LRIG2: variants seen among roughly 807,000 people sequenced by gnomAD.
LRIG2 encodes leucine-rich repeats and immunoglobulin-like domains protein 2.
In LRIG2, 93 loss-of-function variants were observed where a neutral mutation model predicts 107.8. The observed-to-expected ratio is 0.86, with a 90% CI of 0.73 to 1.03. The LOEUF is 1.03. Ranked by LOEUF, LRIG2 falls within the 50% of genes least tolerant of loss-of-function variation. LRIG2 has a pLI of 0.00. For missense variants in LRIG2, 1,226 were observed against 1,296.0 expected, an observed-to-expected ratio of 0.95 and a Z score of 0.83; for synonymous variants, 471 against 470.6, an observed-to-expected ratio of 1.00 and a Z score of -0.01.
At chr1:113,080,415 T>C (rs2101016795) in intron 1 of LRIG2, among the ~76,000 whole-genome samples, 1 of 150,066 alleles carries the variant, frequency 6.7e-6, no homozygotes, top group South Asian at 2.1e-4. Context: ...AGTCTCGCTC[T>C]GTTGCCCAGG....
In LRIG2 at chr1:113,073,575, A is replaced by G. The variant is rs1436925237; in HGVS notation, c.169A>G (p.Ser57Gly). ...CSCRIPLLDC[S>G]RRKLPAPSWR... ...CTGCCGCATTCCTCTCCTGGACTGC[A>G]GTCGCAGGAAATTGCCCGCACCGAG... is the stretch of plus-strand genomic sequence containing the variant. Residue 57 changes from serine to glycine, a missense_variant, in exon 1 of 18, where the codon AGT (serine) becomes GGT (glycine). Ser to Gly is a moderately conservative substitution (Grantham distance 56). Around this residue, in one of 3 missense-constraint regions of LRIG2, gnomAD observed 570 missense variants for 550.2 expected, o/e 1.04. Transcript: ENST00000361127. 3.1e-6 allele frequency: 5 copies of G among 1,613,820 alleles called. No individual in the cohort carries two copies. The Admixed American group carries it at 5.0e-5, about 16-fold the overall frequency.
chr1:113,078,202 G>A (rs1653076066), intron 1 of LRIG2, among the ~76,000 whole-genome samples: 3 of 151,576 alleles, frequency 2.0e-5, no homozygotes, highest in African/African-American at 7.3e-5. Flanking sequence ...ACATATGTGT[G>A]CATGTGTCTT....
intron 16 of LRIG2, among the ~76,000 whole-genome samples, chr1:113,118,473 C>T (rs756071471): frequency 2.0e-5 from 3 of 152,192 alleles, no homozygotes; most frequent in African/African-American, 4.8e-5. Context: ...GTCATCATAA[C>T]TCCTTATTCT....
At chr1:113,122,477 A>G (rs1655305258) in intron 17 of LRIG2, among the ~76,000 whole-genome samples, 1 of 152,166 alleles carries the variant, frequency 6.6e-6, no homozygotes, top group Non-Finnish European at 1.5e-5. Flanking sequence ...TTTTACATTA[A>G]GTGTTCATGA....
At chr1:113,081,355 TG>T (rs1356174175) in intron 1 of LRIG2, among the ~76,000 whole-genome samples, 1 of 152,070 alleles carries the variant, frequency 6.6e-6, no homozygotes, top group Non-Finnish European at 1.5e-5. Flanking sequence ...CAGCTGTAGA[TG>T]GAGGTGTTTT....
intron 1 of LRIG2, among the ~76,000 whole-genome samples, chr1:113,079,043 A>G (rs1653127372): frequency 6.6e-6 from 1 of 152,174 alleles, no homozygotes; most frequent in Non-Finnish European, 1.5e-5. Context: ...ACAAGTTGGT[A>G]AATTGAAAAT....
chr1:113,091,751 G>A (rs1270285553), intron 2 of LRIG2, among the ~76,000 whole-genome samples: 1 of 152,164 alleles, frequency 6.6e-6, no homozygotes, highest in East Asian at 1.9e-4. Context: ...GGAGCATCAT[G>A]TCTAAAGTAG....
intron 11 of LRIG2, among the ~76,000 whole-genome samples, chr1:113,104,021 C>G (rs4521992): frequency 6.6e-6 from 1 of 152,162 alleles, no homozygotes; most frequent in Non-Finnish European, 1.5e-5. Flanking sequence ...GCATCTGAAT[C>G]CCCTCTGTTT....
At chr1:113,076,024 AAG>A (rs749404156) in intron 1 of LRIG2, among the ~76,000 whole-genome samples, 17 of 143,682 alleles carry the variant, frequency 1.2e-4, no homozygotes, top group Non-Finnish European at 2.3e-4. Flanking sequence ...TTTTTTATTT[AAG>A]AGAGAGTCTT....
chr1:113,082,116 C>T (rs543364616), intron 1 of LRIG2, among the ~76,000 whole-genome samples: 2 of 152,308 alleles, frequency 1.3e-5, no homozygotes, highest in Non-Finnish European at 2.9e-5. Flanking sequence ...AACTGTTTCA[C>T]TTGCAACAGT....
chr1:113,116,341 T>A lies in LRIG2; in HGVS notation c.2585T>A (p.Leu862Gln). The change falls in exon 16 of 18, where the codon CTG becomes CAG. Residue 862 changes from leucine to glutamine, a missense_variant. Leu to Gln is a moderately radical substitution (Grantham distance 113, BLOSUM62 -2). This residue lies in a region of LRIG2 where 642 missense variants were observed against 712.2 expected (regional missense o/e 0.90). Transcript: ENST00000361127. ...IPSYLSSQGT[L>Q]SEPQEGYSNS... Reference sequence around the variant, plus strand: ...AGCTACTTGTCTTCCCAAGGAACGCTGTCTGAGCCACAGGAAGGCTACAGC... The same window carrying A: ...AGCTACTTGTCTTCCCAAGGAACGCAGTCTGAGCCACAGGAAGGCTACAGC... 6.2e-7 allele frequency: 1 copy of A among 1,614,068 alleles called. No homozygotes were observed. The highest frequency in any genetic ancestry group is 8.5e-7 in the Non-Finnish European group (1 of 1,179,956).
chr1:113,085,897 T>C (rs1365962711), intron 1 of LRIG2, among the ~76,000 whole-genome samples: 1 of 152,166 alleles, frequency 6.6e-6, no homozygotes, highest in Non-Finnish European at 1.5e-5. Flanking sequence ...TTTTCAGAGT[T>C]GTTTTAGAAT....
At chr1:113,105,383 G>A (rs72986336) in intron 11 of LRIG2, among the ~76,000 whole-genome samples, 3,879 of 152,190 alleles carry the variant, frequency 0.025, 169 homozygotes, top group African/African-American at 0.085. Flanking sequence ...GATTTGAGGA[G>A]CTTTCTCTCC....
intron 11 of LRIG2, among the ~76,000 whole-genome samples, chr1:113,107,326 T>C (rs1018390708): frequency 2.0e-5 from 3 of 152,108 alleles, no homozygotes; most frequent in African/African-American, 7.2e-5. Flanking sequence ...CAATCAAGGA[T>C]CACACATTTC....
chr1:113,104,714 A>G (rs1654458359), intron 11 of LRIG2, among the ~76,000 whole-genome samples: 1 of 152,072 alleles, frequency 6.6e-6, no homozygotes, highest in Non-Finnish European at 1.5e-5. Context: ...GAGTGACCTC[A>G]TCCAATTTAT....
In LRIG2 at chr1:113,110,548, A is replaced by T; in HGVS notation, c.1784A>T (p.Lys595Ile). ...HFGSNYSQKAKLTVNEMPSFL... is the reference protein window; with the variant it reads ...HFGSNYSQKAILTVNEMPSFL... ...GGTTCTAATTATTCTCAGAAAGCCA[A>T]ACTGACTGTAAATGGTAAGGAATTA... Residue 595 changes from lysine to isoleucine, a missense_variant, in exon 13 of 18, where the codon AAA (lysine) becomes ATA (isoleucine). This residue lies in a region of LRIG2 where 642 missense variants were observed against 712.2 expected (regional missense o/e 0.90). Transcript: ENST00000361127. The T allele has an allele frequency of 6.2e-7, 1 of 1,604,384 alleles. No homozygotes were observed. The highest frequency in any genetic ancestry group is 8.5e-7 in the Non-Finnish European group (1 of 1,172,400).
chr1:113,081,912 A>G (rs968361931), intron 1 of LRIG2, among the ~76,000 whole-genome samples: 15 of 152,250 alleles, frequency 9.9e-5, no homozygotes, highest in African/African-American at 3.6e-4. Flanking sequence ...TCTTTTTTAG[A>G]CAGTAGCAGA....
intron 1 of LRIG2, among the ~76,000 whole-genome samples, chr1:113,089,492 C>T (rs377577677): frequency 2.6e-4 from 39 of 152,130 alleles, no homozygotes; most frequent in East Asian, 3.9e-4. Context: ...TGCCTGTTTC[C>T]ATATTAGGAA....
At chr1:113,077,559 A>G (rs1324498638) in intron 1 of LRIG2, among the ~76,000 whole-genome samples, 1 of 152,152 alleles carries the variant, frequency 6.6e-6, no homozygotes, top group East Asian at 1.9e-4. Context: ...TATTTTCATT[A>G]TAATTGTTTA....
Sources: gnomAD v4.1 joint callset for allele counts (sites outside exome capture counted in the v4.1 genomes callset) on GRCh38, gnomAD v4.1.1 for gene constraint, gnomAD v4.1.1 regional missense constraint, MANE v1.5 for transcripts, NCBI Gene and HGNC (gene_info 2026-07-23, HGNC 2026-07-21) for gene names.